Variants in DLGAP1 observed in about 807,000 individuals in gnomAD.
The protein encoded by DLGAP1 is DLG associated protein 1, also known as disks large-associated protein 1.
DLGAP1 carries 11 observed loss-of-function variants against 90.8 expected under a neutral mutation model. The ratio of observed to expected loss-of-function variants is 0.12; its 90% CI spans 0.08 to 0.20. The LOEUF is 0.20. DLGAP1 is among the 10% of genes least tolerant of loss of function. The pLI, the probability that DLGAP1 is intolerant of heterozygous loss-of-function variation, is 1.00. For missense variants in DLGAP1, 1,050 were observed against 1,333.8 expected, an observed-to-expected ratio of 0.79 and a Z score of 3.31; for synonymous variants, 558 against 540.7, an observed-to-expected ratio of 1.03 and a Z score of -0.44.
At chr18:3,854,058 C>T (rs901301432) in intron 4 of DLGAP1, among the ~76,000 whole-genome samples, 7 of 152,032 alleles carry the variant, frequency 4.6e-5, no homozygotes, top group African/African-American at 1.7e-4. Flanking sequence ...TCTTTATGTT[C>T]TTAGGTATTT....
chr18:3,942,963 A>G (rs908048977), intron 3 of DLGAP1, among the ~76,000 whole-genome samples: 11 of 144,880 alleles, frequency 7.6e-5, no homozygotes, highest in African/African-American at 2.8e-4. Context: ...AACCAGCAAC[A>G]TTTTTGTTTT....
At chr18:3,648,144 A>G (rs2059184547) in intron 7 of DLGAP1, among the ~76,000 whole-genome samples, 2 of 152,236 alleles carry the variant, frequency 1.3e-5, no homozygotes, top group Non-Finnish European at 2.9e-5. Flanking sequence ...AAGCTAGGAA[A>G]TAGCTGAAAA....
intron 5 of DLGAP1, among the ~76,000 whole-genome samples, chr18:3,770,680 G>A (rs2064486624): frequency 6.6e-6 from 1 of 151,846 alleles, no homozygotes. Flanking sequence ...CACAGATTCT[G>A]AACAGAAAGT....
At chr18:3,710,638 C>G (rs946029840) in intron 7 of DLGAP1, among the ~76,000 whole-genome samples, 1 of 152,294 alleles carries the variant, frequency 6.6e-6, no homozygotes, top group African/African-American at 2.4e-5. Flanking sequence ...GTGAACAAGA[C>G]AGAAAAATTT....
intron 1 of DLGAP1, among the ~76,000 whole-genome samples, chr18:4,329,581 C>T (rs766803821): frequency 6.6e-6 from 1 of 151,872 alleles, no homozygotes; most frequent in Admixed American, 6.6e-5. Flanking sequence ...AACTATCGAT[C>T]ACTTTGAAAA....
chr18:4,076,035 A>C (rs962455411), intron 2 of DLGAP1, among the ~76,000 whole-genome samples: 8 of 152,124 alleles, frequency 5.3e-5, no homozygotes, highest in Non-Finnish European at 1.0e-4. Context: ...TCTGTCTGCC[A>C]ATGCCTATTG....
At position 3,899,233 on chromosome 18, in the gene DLGAP1, T is replaced by C. The variant is rs1291503220; in HGVS notation, c.-72-19093A>G. 4.6e-5 allele frequency among the ~76,000 whole-genome samples: 7 copies of C among 152,216 alleles called. 1 individual carries two copies. The highest frequency in any genetic ancestry group is 4.6e-4 in the Admixed American group (7 of 15,278). Reference sequence around the variant, plus strand: ...GTGTTTGTCTAGCAACCTCCGCCCATGGCAGCTTTTCCTCTGACTGCTGAA... The same window carrying C: ...GTGTTTGTCTAGCAACCTCCGCCCACGGCAGCTTTTCCTCTGACTGCTGAA... On this transcript the variant is annotated intron_variant, in intron 3 of 12. Transcript: ENST00000315677.
At chr18:3,763,156 C>A (rs138509286) in intron 5 of DLGAP1, among the ~76,000 whole-genome samples, 2 of 152,162 alleles carry the variant, frequency 1.3e-5, no homozygotes, top group African/African-American at 4.8e-5. Flanking sequence ...TGGGTGGACA[C>A]CATCTAATCA....
chr18:4,007,654 T>TCAAACAAACAAA (rs58276911), intron 2 of DLGAP1, among the ~76,000 whole-genome samples: 63 of 151,826 alleles, frequency 4.1e-4, no homozygotes, highest in Middle Eastern at 3.4e-3. Flanking sequence ...AGGCTCCATC[T>TCAAACAAACAAA]CAAACAAACA....
chr18:3,741,023 C>CAT (rs2062912119), intron 6 of DLGAP1, among the ~76,000 whole-genome samples: 2 of 121,570 alleles, frequency 1.6e-5, no homozygotes, highest in Non-Finnish European at 3.5e-5. Flanking sequence ...ACCATCACCA[C>CAT]CACCACCACC....
intron 7 of DLGAP1, among the ~76,000 whole-genome samples, chr18:3,623,237 G>A (rs2058165618): frequency 6.6e-6 from 1 of 152,184 alleles, no homozygotes; most frequent in African/African-American, 2.4e-5. Flanking sequence ...AGGATCACAT[G>A]AGATAATCAA....
chr18:4,122,574 C>A (rs191303985), intron 2 of DLGAP1, among the ~76,000 whole-genome samples: 4 of 152,286 alleles, frequency 2.6e-5, no homozygotes, highest in East Asian at 1.9e-4. Flanking sequence ...ACTGTTAGGA[C>A]TTTCTAAACT....
intron 7 of DLGAP1, among the ~76,000 whole-genome samples, chr18:3,690,003 T>C (rs1303536940): frequency 7.7e-6 from 1 of 129,328 alleles, no homozygotes; most frequent in East Asian, 2.5e-4. Context: ...GCCTCCCCCT[T>C]GATTCCCATT....
At position 4,089,864 on chromosome 18, in the gene DLGAP1, T is replaced by C. The variant is rs375720856; in HGVS notation, c.-159+61316A>G. 5.8e-4 allele frequency among the ~76,000 whole-genome samples: 88 copies of C among 152,186 alleles called. 1 individual carries two copies. The highest frequency in any genetic ancestry group is 1.9e-3 in the African/African-American group (78 of 41,528). The stretch of plus-strand genomic sequence containing the variant: ...ATCGAGACCATCCTGGCTAACACGG[T>C]GAAACCCCGTCTCTACTAAAAACAC... On this transcript the variant is annotated intron_variant, in intron 2 of 12. Coordinates refer to ENST00000315677, the MANE Select transcript of DLGAP1 (RefSeq NM_004746.4).
rs970933865 is a variant in DLGAP1, at chr18:3,591,153, G to T, written c.1592-8905C>A. Among the ~76,000 whole-genome samples the T allele has an allele frequency of 1.3e-3, 196 of 152,184 alleles. 1 individual carries two copies. The highest frequency in any genetic ancestry group is 2.1e-3 in the Non-Finnish European group (145 of 68,012). On this transcript the variant is annotated intron_variant, in intron 7 of 12. Coordinates refer to ENST00000315677, the MANE Select transcript of DLGAP1 (RefSeq NM_004746.4). ...TGAAAAGAACATTTGCAAATCCAGG[G>T]AACAGGGCAGAGGTAGTACAAGTGA... is the stretch of plus-strand genomic sequence containing the variant.
intron 1 of DLGAP1, among the ~76,000 whole-genome samples, chr18:4,183,682 C>G (rs371682620): frequency 6.6e-6 from 1 of 152,026 alleles, no homozygotes; most frequent in Non-Finnish European, 1.5e-5. Flanking sequence ...CTAGAAGCTA[C>G]GAAGAATTAA....
At chr18:3,600,935 T>G (rs1293799981) in intron 7 of DLGAP1, among the ~76,000 whole-genome samples, 2 of 72,852 alleles carry the variant, frequency 2.7e-5, no homozygotes, top group Middle Eastern at 5.4e-3. Flanking sequence ...TATATAGATA[T>G]ATAGATAGAT....
Position 4,114,786 on chromosome 18 carries a change from T to C in DLGAP1, c.-159+36394A>G, listed in dbSNP as rs1044830874. 2.9e-4 allele frequency among the ~76,000 whole-genome samples: 44 copies of C among 152,096 alleles called. 1 individual carries two copies. Among genetic ancestry groups the C allele is most frequent in the Non-Finnish European group, 4.4e-5 (3 of 67,998 alleles). The stretch of plus-strand genomic sequence containing the variant: ...TATGGCCACTCTAGCTCTTTTAAGG[T>C]TTCTGTTTGCATGGTATATCTTTTT... On this transcript the variant is annotated intron_variant, in intron 2 of 12. Transcript: ENST00000315677.
Position 4,455,086 on chromosome 18 carries a change from TCCCCGCGA to T in DLGAP1, c.-355_-348del, listed in dbSNP as rs1203650611. ...GAGCCTCGGAGGAAGGAGAGAGATG[TCCCCGCGA>T]CCAGGACCGGCTCTCAGCGAGGTGA... is the stretch of plus-strand genomic sequence containing the variant. On this transcript the variant is annotated 5_prime_UTR_variant, in exon 1 of 13. Transcript: ENST00000315677. 6.6e-6 allele frequency: 1 copy of T among 151,624 alleles called. No homozygotes were observed. Among genetic ancestry groups the T allele is most frequent in the Non-Finnish European group, 1.5e-5 (1 of 67,906 alleles). 9.4% of individuals were successfully genotyped at this position (151,624 alleles called of 1,614,324 possible).
Sources: gnomAD v4.1 joint callset for allele counts (sites outside exome capture counted in the v4.1 genomes callset) on GRCh38, gnomAD v4.1.1 for gene constraint, MANE v1.5 for transcripts, NCBI Gene and HGNC (gene_info 2026-07-23, HGNC 2026-07-21) for gene names.